MAP4: variants seen among roughly 807,000 people sequenced by gnomAD.
MAP4 encodes microtubule-associated protein 4.
A neutral mutation model predicts 170.2 loss-of-function variants in MAP4; 76 were observed. That is an observed-to-expected ratio of 0.45 (90% CI 0.37 to 0.54). MAP4 has a LOEUF of 0.54. MAP4 is among the 20% of genes least tolerant of loss of function. The pLI, the probability that MAP4 is intolerant of heterozygous loss-of-function variation, is 0.00. For synonymous variants in MAP4, 909 were observed against 994.5 expected (o/e 0.91, Z 1.62); for missense variants, 2,506 against 2,748.0 (o/e 0.91, Z 1.97).
intron 10 of MAP4, chr3:47,892,389 T>C (rs2100024473): frequency 6.5e-7 from 1 of 1,536,128 alleles, no homozygotes; most frequent in African/African-American, 1.4e-5. Context: ...CCGGCTTGAC[T>C]GATTTCTTTT....
rs2047124538 is a variant in MAP4, at chr3:47,853,271, C to T, written c.6778G>A (p.Glu2260Lys). Residue 2260 changes from glutamate to lysine, a missense_variant, in exon 20 of 21, where the codon GAA (glutamate) becomes AAA (lysine). Glu to Lys is a moderately conservative substitution (Grantham distance 56). This residue lies in a region of MAP4 where 487 missense variants were observed against 511.6 expected (regional missense o/e 0.95). Transcript: ENST00000683076. ...EEPAISEAAP[E>K]AGAPTSASGL... Reference sequence around the variant, plus strand: ...CTGGCTGAAGTGGGGGCGCCAGCTTCAGGCGCTGCCTCAGAGATGGCCGGC... The same window carrying T: ...CTGGCTGAAGTGGGGGCGCCAGCTTTAGGCGCTGCCTCAGAGATGGCCGGC... The T allele has an allele frequency of 1.2e-6, 2 of 1,603,588 alleles. No homozygotes were observed. The highest frequency in any genetic ancestry group is 1.7e-5 in the Admixed American group (1 of 58,538).
chr3:47,974,778 T>A (rs992447838), intron 3 of MAP4: 27 of 910,218 alleles, frequency 3.0e-5, no homozygotes, highest in African/African-American at 3.6e-5. Context: ...AAAAAAAAAA[T>A]TTGGCCCAAC....
At chr3:47,881,388 C>G (rs1220927236) in intron 10 of MAP4, among the ~76,000 whole-genome samples, 3 of 138,706 alleles carry the variant, frequency 2.2e-5, no homozygotes, top group Admixed American at 1.5e-4. Context: ...GCGAGTCAAG[C>G]CTGCTGTGAG....
At chr3:48,018,782 G>C (rs538624738), upstream of MAP4, among the ~76,000 whole-genome samples, 1 of 152,092 alleles carries the variant, frequency 6.6e-6, no homozygotes, top group African/African-American at 2.4e-5. Flanking sequence ...CAGCCTGGGT[G>C]ACAGAGTGAG....
intron 1 of MAP4, among the ~76,000 whole-genome samples, chr3:48,070,289 A>G (rs1175072126): frequency 1.3e-5 from 2 of 150,066 alleles, no homozygotes. Context: ...TCAGCCTCCC[A>G]AAGTGCTGGG....
chr3:47,891,061 G>A (rs200386044), intron 10 of MAP4: 73 of 1,522,670 alleles, frequency 4.8e-5, no homozygotes, highest in Non-Finnish European at 6.3e-5. Context: ...ACGATGGAGT[G>A]CTCTGGGTTG....
At chr3:47,958,811 G>GTAGCTGGGTCT (rs2154152801) in intron 3 of MAP4, among the ~76,000 whole-genome samples, 1 of 151,646 alleles carries the variant, frequency 6.6e-6, no homozygotes, top group Admixed American at 6.6e-5. Flanking sequence ...AGCCTCCCAA[G>GTAGCTGGGTCT]TAGCTGGGTC....
upstream of MAP4, among the ~76,000 whole-genome samples, chr3:48,018,772 C>T (rs2100109105): frequency 6.6e-6 from 1 of 151,962 alleles, no homozygotes; most frequent in African/African-American, 2.4e-5. Flanking sequence ...CACTGCACTC[C>T]AGCCTGGGTG....
At chr3:47,912,512 A>T in intron 8 of MAP4, 91 bp from the exon 9 acceptor site, 1 of 1,196,376 alleles carries the variant, frequency 8.4e-7, no homozygotes. Flanking sequence ...CATATAAATG[A>T]CTAATTTAAG....
At chr3:47,929,296 C>CT (rs2100047952) in intron 3 of MAP4, among the ~76,000 whole-genome samples, 1 of 152,056 alleles carries the variant, frequency 6.6e-6, no homozygotes, top group Non-Finnish European at 1.5e-5. Flanking sequence ...GGGAAGGTTG[C>CT]AGTGAGCCAA....
chr3:47,860,525 T>C (rs2063846224), intron 17 of MAP4, among the ~76,000 whole-genome samples: 1 of 152,228 alleles, frequency 6.6e-6, no homozygotes, highest in African/African-American at 2.4e-5. Context: ...TGTTCCATAT[T>C]TGAAGCCTCT....
chr3:48,054,031 T>C (rs1029139011), intron 1 of MAP4, among the ~76,000 whole-genome samples: 5 of 151,824 alleles, frequency 3.3e-5, no homozygotes, highest in Admixed American at 2.0e-4. Context: ...CAGCCAGGCA[T>C]GGTGGCTCAC....
At chr3:47,852,997 C>T (rs772381023) in intron 20 of MAP4, 59 bp from the exon 21 acceptor site, 43 of 1,613,974 alleles carry the variant, frequency 2.7e-5, no homozygotes, top group Admixed American at 3.3e-5. Flanking sequence ...GAGGGGAACA[C>T]GGGGGAGACG....
intron 3 of MAP4, among the ~76,000 whole-genome samples, chr3:47,969,094 T>C (rs1178010904): frequency 3.9e-5 from 6 of 152,138 alleles, no homozygotes; most frequent in Non-Finnish European, 8.8e-5. Flanking sequence ...ATCTCTATAG[T>C]TTCTAACAAT....
At chr3:47,958,914 C>T (rs1322084598) in intron 3 of MAP4, among the ~76,000 whole-genome samples, 2 of 151,972 alleles carry the variant, frequency 1.3e-5, no homozygotes, top group Non-Finnish European at 2.9e-5. Context: ...GATCTCTTGA[C>T]CTCGTGATCC....
At chr3:47,969,551 G>T (rs2154219442) in intron 3 of MAP4, among the ~76,000 whole-genome samples, 1 of 152,244 alleles carries the variant, frequency 6.6e-6, no homozygotes, top group Non-Finnish European at 1.5e-5. Context: ...ATCTTGCTTT[G>T]AAGTAACCTC....
intron 4 of MAP4, among the ~76,000 whole-genome samples, chr3:47,923,047 C>CAA (rs887071534): frequency 1.4e-5 from 2 of 138,298 alleles, no homozygotes; most frequent in East Asian, 4.2e-4. Flanking sequence ...GAGACTGTCT[C>CAA]AAAAAAAAAA....
At chr3:47,877,186 C>T (rs1198996522) in intron 11 of MAP4, 1 of 415,236 alleles carries the variant, frequency 2.4e-6, no homozygotes, top group African/African-American at 2.0e-5. Flanking sequence ...CTCTACAGAA[C>T]ATTTTTTACA....
At chr3:48,028,255 G>A (rs2100114106) in intron 1 of MAP4, among the ~76,000 whole-genome samples, 1 of 152,154 alleles carries the variant, frequency 6.6e-6, no homozygotes, top group African/African-American at 2.4e-5. Flanking sequence ...TCGCACCACT[G>A]TACTCTAGCA....
Sources: gnomAD v4.1 joint callset for allele counts (sites outside exome capture counted in the v4.1 genomes callset) on GRCh38, gnomAD v4.1.1 for gene constraint, gnomAD v4.1.1 regional missense constraint, MANE v1.5 for transcripts, NCBI Gene and HGNC (gene_info 2026-07-23, HGNC 2026-07-21) for gene names.